Variants in DRG1 observed in about 807,000 individuals in gnomAD.
DRG1 encodes the protein developmentally-regulated GTP-binding protein 1.
A neutral mutation model predicts 38.8 loss-of-function variants in DRG1; 19 were observed. The observed-to-expected ratio is 0.49, with a 90% confidence interval of 0.34 to 0.72. DRG1 has a LOEUF of 0.72. Among genes scored for constraint, DRG1 ranks in the 30% least tolerant of loss-of-function variants. The pLI is 0.01. For synonymous variants in DRG1, 167 were observed against 157.5 expected (o/e 1.06, Z -0.45); for missense variants, 299 against 444.8 (o/e 0.67, Z 2.95).
intron 5 of DRG1, among the ~76,000 whole-genome samples, chr22:31,420,653 A>T (rs995745228): frequency 2.6e-5 from 4 of 152,218 alleles, no homozygotes; most frequent in African/African-American, 9.6e-5. Flanking sequence ...TCTATTGGGA[A>T]TGATATGGGC....
At chr22:31,433,098 G>A (rs2145873979) in intron 8 of DRG1, among the ~76,000 whole-genome samples, 1 of 152,072 alleles carries the variant, frequency 6.6e-6, no homozygotes, top group South Asian at 2.1e-4. Context: ...GGTTAGGGAG[G>A]AAGATTTTCC....
chr22:31,422,137 A>G (rs1403991580), intron 5 of DRG1, among the ~76,000 whole-genome samples: 1 of 147,706 alleles, frequency 6.8e-6, no homozygotes, highest in African/African-American at 2.4e-5. Flanking sequence ...AAGAAAGAAA[A>G]GAAAAGAGAA....
At chr22:31,408,414 G>C (rs2050001003) in intron 3 of DRG1, among the ~76,000 whole-genome samples, 1 of 151,212 alleles carries the variant, frequency 6.6e-6, no homozygotes, top group Non-Finnish European at 1.5e-5. Context: ...AAAGTACTGG[G>C]ATTACAGGCT....
chr22:31,405,688 T>G lies in DRG1; in HGVS notation c.342+2484T>G, dbSNP rs373958482. ...GGGCATGTGTGTGTGTGTGGGGGGG[T>G]TTATTTATTTTTTTATTTGAGACGG... is the stretch of plus-strand genomic sequence containing the variant. On this transcript the variant is annotated intron_variant, in intron 3 of 8. Coordinates refer to ENST00000331457, the MANE Select transcript of DRG1 (RefSeq NM_004147.4). Among the ~76,000 whole-genome samples, 215 of 144,806 alleles carry G rather than the reference T, an allele frequency of 1.5e-3. 1 individual carries two copies. The highest frequency in any genetic ancestry group is 4.7e-3 in the Admixed American group (67 of 14,246). 95.0% of individuals were successfully genotyped at this position (144,806 alleles called of 152,430 possible). A position where few individuals can be genotyped will look rare whatever the true frequency, so the allele number is the denominator to read the frequency against.
At chr22:31,401,246 T>C (rs991804149) in intron 2 of DRG1, among the ~76,000 whole-genome samples, 16 of 150,048 alleles carry the variant, frequency 1.1e-4, no homozygotes, top group Middle Eastern at 3.2e-3. Flanking sequence ...CTCTATGGGC[T>C]TAGAAATGAG....
chr22:31,433,770 A>T, intron 8 of DRG1, 102 bp from the exon 9 acceptor site: 3 of 963,788 alleles, frequency 3.1e-6, no homozygotes, highest in Non-Finnish European at 4.8e-6. Context: ...TATGGTTCTT[A>T]AGGGTATGAT....
intron 3 of DRG1, among the ~76,000 whole-genome samples, chr22:31,404,691 G>A (rs2049980296): frequency 6.6e-6 from 1 of 151,568 alleles, no homozygotes; most frequent in Non-Finnish European, 1.5e-5. Flanking sequence ...GCATGATCTC[G>A]GCTCACTGCA....
intron 8 of DRG1, among the ~76,000 whole-genome samples, chr22:31,427,543 C>G (rs1462120541): frequency 6.6e-6 from 1 of 152,140 alleles, no homozygotes; most frequent in Non-Finnish European, 1.5e-5. Flanking sequence ...TAATCTCTTA[C>G]ATTTTTCACT....
chr22:31,412,176 CCCAGCTACT>C (rs2050021760), intron 4 of DRG1, among the ~76,000 whole-genome samples: 1 of 150,486 alleles, frequency 6.6e-6, no homozygotes, highest in Non-Finnish European at 1.5e-5. Context: ...CGCCTGTAGT[CCCAGCTACT>C]TGGGAGGCTG....
At chr22:31,407,296 C>T (rs1295199563) in intron 3 of DRG1, among the ~76,000 whole-genome samples, 1 of 152,094 alleles carries the variant, frequency 6.6e-6, no homozygotes, top group African/African-American at 2.4e-5. Context: ...CTCATTTTCG[C>T]ATCCATCTGT....
intron 6 of DRG1, 144 bp from the exon 7 acceptor site, chr22:31,426,471 C>A (rs2050111128): frequency 1.5e-6 from 1 of 674,292 alleles, no homozygotes; most frequent in Admixed American, 3.3e-5. Context: ...TTTTCTTTTT[C>A]TTTTTTCTTT....
chr22:31,433,883 G>A lies in DRG1; in HGVS notation c.1016G>A (p.Trp339Ter). 6.2e-7 allele frequency: 1 copy of A among 1,614,008 alleles called. No individual in the cohort carries two copies. Among genetic ancestry groups the A allele is most frequent in the Non-Finnish European group, 8.5e-7 (1 of 1,179,880 alleles). Residue 339 changes from tryptophan to a stop codon, truncating the protein, a stop_gained, in exon 9 of 9, where the codon TGG (tryptophan) becomes TAG (stop). Coordinates refer to ENST00000331457, the MANE Select transcript of DRG1 (RefSeq NM_004147.4). LOFTEE classifies it high-confidence loss of function. Reference sequence around the variant, plus strand: ...TCCCTTCCATGCAGTGCTCTGGTCTGGGGTCTCTCTGTGAAACACAATCCT... The same window carrying A: ...TCCCTTCCATGCAGTGCTCTGGTCTAGGGTCTCTCTGTGAAACACAATCCT... Reference protein sequence around the residue: ...LIKEFKYALVWGLSVKHNPQK... With the variant: ...LIKEFKYALV
intron 8 of DRG1, among the ~76,000 whole-genome samples, chr22:31,428,919 A>G (rs1279821122): frequency 1.3e-5 from 2 of 152,210 alleles, no homozygotes; most frequent in African/African-American, 4.8e-5. Context: ...GTATCATTAC[A>G]TGAGATTCAT....
chr22:31,415,537 T>C (rs2050039742), intron 4 of DRG1, among the ~76,000 whole-genome samples: 3 of 152,186 alleles, frequency 2.0e-5, no homozygotes, highest in African/African-American at 7.2e-5. Context: ...TTTTTTTGTA[T>C]TTTTAGTAGA....
intron 3 of DRG1, among the ~76,000 whole-genome samples, chr22:31,403,728 C>T (rs949895232): frequency 6.6e-6 from 1 of 151,832 alleles, no homozygotes; most frequent in Non-Finnish European, 1.5e-5. Context: ...GTGATCCGCC[C>T]GCGTTGGCCT....
In DRG1 at chr22:31,434,241, T is replaced by A. The variant is rs56336719; in HGVS notation, c.*270T>A. 9.1e-3 allele frequency: 3,331 copies of A among 367,232 alleles called. 21 individuals are homozygous for A. The highest frequency in any genetic ancestry group is 0.031 in the Middle Eastern group (38 of 1,224). The allele number at this position is 367,232 out of a possible 1,614,324, so 22.7% of individuals were successfully genotyped here. A position where few individuals can be genotyped will look rare whatever the true frequency, so the allele number is the denominator to read the frequency against. ...GGGATGGGCTGAATGAGGAAGGGTA[T>A]ATACGGTGAAGCAGCTACAGAAGGG... On this transcript the variant is annotated 3_prime_UTR_variant, in exon 9 of 9. Transcript: ENST00000331457.
intron 5 of DRG1, among the ~76,000 whole-genome samples, chr22:31,420,675 T>C (rs2050072005): frequency 6.6e-6 from 1 of 152,220 alleles, no homozygotes; most frequent in African/African-American, 2.4e-5. Flanking sequence ...TGTGGACCAA[T>C]ATTATGCTTG....
chr22:31,427,798 AT>A (rs1225871487), intron 8 of DRG1, among the ~76,000 whole-genome samples: 3 of 152,124 alleles, frequency 2.0e-5, no homozygotes, highest in Non-Finnish European at 4.4e-5. Context: ...CAATGGCGTG[AT>A]CTTGGCTCAC....
At position 31,400,684 on chromosome 22, in the gene DRG1, C is replaced by A. The variant is rs1051975174; in HGVS notation, c.107C>A (p.Ala36Asp). The A allele has an allele frequency of 6.2e-7, 1 of 1,613,508 alleles. No individual in the cohort carries two copies. Among genetic ancestry groups the A allele is most frequent in the Non-Finnish European group, 8.5e-7 (1 of 1,179,664 alleles). The change falls in exon 2 of 9, where the codon GCT becomes GAT. Residue 36 changes from alanine to aspartate, a missense_variant. Transcript: ENST00000331457. Reference protein sequence around the residue: ...HHLGLLKARLAKLRRELITPK... With the variant: ...HHLGLLKARLDKLRRELITPK... The stretch of plus-strand genomic sequence containing the variant: ...TTAGGGCTGCTTAAGGCTCGTCTTG[C>A]TAAGCTTCGTCGAGAACTCATTACT...
Sources: allele counts gnomAD v4.1 joint callset (sites outside exome capture counted in the v4.1 genomes callset), GRCh38; gene constraint gnomAD v4.1.1; transcripts MANE v1.5; gene names NCBI Gene and HGNC (gene_info 2026-07-23, HGNC 2026-07-21).